The following ZNF250 variants were observed in gnomAD, a reference collection of about 807,000 sequenced individuals.
The protein encoded by ZNF250 is zinc finger protein 250.
Under a neutral mutation model 37.1 loss-of-function variants are expected in ZNF250, and 13 were observed. That is an observed-to-expected ratio of 0.35 (90% CI 0.23 to 0.56). The LOEUF is 0.56. Among genes scored for constraint, ZNF250 ranks in the 20% least tolerant of loss-of-function variants. ZNF250 has a pLI of 0.87. For missense variants in ZNF250, 474 were observed against 697.9 expected (o/e 0.68, Z 3.61); for synonymous variants, 251 against 265.6 (o/e 0.94, Z 0.54).
Position 144,886,824 on chromosome 8 carries a change from TCAGG to T in ZNF250, c.346+12_346+15del. The T allele has an allele frequency of 6.2e-7, 1 of 1,609,530 alleles. No homozygotes were observed. On this transcript the variant is annotated intron_variant, in intron 5 of 5. Coordinates refer to ENST00000417550, the MANE Select transcript of ZNF250 (RefSeq NM_001109689.4). Reference sequence around the variant, plus strand: ...CAGAGATTGTACTGAATTAAAAAGATCAGGCATACACTTACCCCATGGACAAGAT... The same window carrying T: ...CAGAGATTGTACTGAATTAAAAAGATCATACACTTACCCCATGGACAAGAT...
rs748296303 is a variant in ZNF250 at position 144,881,626 on chromosome 8, C to T, written c.1557G>A (p.Gln519=). 1 of 1,613,892 alleles carries T rather than the reference C, an allele frequency of 6.2e-7. No individual in the cohort carries two copies. Among genetic ancestry groups the T allele is most frequent in the East Asian group, 2.2e-5 (1 of 44,864 alleles). The change falls in exon 6 of 6, where the codon CAG becomes CAA. Residue 519 remains glutamine (Q), a synonymous_variant. Coordinates refer to ENST00000417550, the MANE Select transcript of ZNF250 (RefSeq NM_001109689.4). ...KAFSQYSVLI[Q]HQRIHTGEKP... ...TCTCGCCTGTGTGGATCCGCTGGTG[C>T]TGGATGAGCACTGAGTACTGGCTGA...
chr8:144,883,651 A>G (rs930115808), intron 5 of ZNF250, among the ~76,000 whole-genome samples: 3 of 149,652 alleles, frequency 2.0e-5, no homozygotes, highest in African/African-American at 4.9e-5. Flanking sequence ...TGTGGAAGAT[A>G]ATTTCATGTG....
intron 4 of ZNF250, 93 bp downstream of exon 4, chr8:144,889,488 C>T (rs1382526482): frequency 9.9e-7 from 1 of 1,011,620 alleles, no homozygotes; most frequent in African/African-American, 1.6e-5. Context: ...GTGGAAGCCA[C>T]TCCAGTGAGC....
intron 4 of ZNF250, among the ~76,000 whole-genome samples, chr8:144,887,896 T>C (rs1179205116): frequency 1.3e-5 from 2 of 152,232 alleles, no homozygotes; most frequent in South Asian, 4.1e-4. Flanking sequence ...AGGTAGACTG[T>C]AATACCTGGT....
chr8:144,882,683 A>G lies in ZNF250; in HGVS notation c.500T>C (p.Val167Ala). The change falls in exon 6 of 6, where the codon GTT becomes GCT. Residue 167 changes from valine to alanine, a missense_variant. This residue lies in a region of ZNF250 where 192 missense variants were observed against 227.5 expected (regional missense o/e 0.84). Transcript: ENST00000417550. This position sits in a 1 kb window ranked among gnomAD's most constrained non-coding sequence, Gnocchi z 5.5. Reference protein sequence around the residue: ...KQSFCLSPNSVDHREVQVLSQ... With the variant: ...KQSFCLSPNSADHREVQVLSQ... ...TAAGACCTGAACTTCACGGTGGTCA[A>G]CAGAGTTTGGACTCAGACAGAAGCT... 1 of 1,614,042 alleles carries G rather than the reference A, an allele frequency of 6.2e-7. No individual in the cohort carries two copies. Among genetic ancestry groups the G allele is most frequent in the Non-Finnish European group, 8.5e-7 (1 of 1,179,910 alleles).
intron 1 of ZNF250, among the ~76,000 whole-genome samples, chr8:144,896,821 G>T (rs767634200): frequency 6.6e-6 from 1 of 152,162 alleles, no homozygotes; most frequent in African/African-American, 2.4e-5. Flanking sequence ...CCCTCTTGAG[G>T]CCATGCCAAC....
In ZNF250 at chr8:144,879,601, T is replaced by TA. The variant is rs1470540317; in HGVS notation, c.*1913dup. ...CAAAAAGGATCAATATCCTGGTGACTATTTCCTCCCCACCAAACTGACAGA... is the reference window on the plus strand; with the variant it reads ...CAAAAAGGATCAATATCCTGGTGACTAATTTCCTCCCCACCAAACTGACAGA... On this transcript the variant is annotated 3_prime_UTR_variant, in exon 6 of 6. Coordinates refer to ENST00000417550, the MANE Select transcript of ZNF250 (RefSeq NM_001109689.4). The TA allele has an allele frequency of 3.3e-5, 5 of 152,300 alleles. No homozygotes were observed. Among genetic ancestry groups the TA allele is most frequent in the African/African-American group, 1.2e-4 (5 of 41,438 alleles). The allele number at this position is 152,300 out of a possible 1,614,324, so 9.4% of individuals were successfully genotyped here.
At position 144,890,308 on chromosome 8, in the gene ZNF250, C is replaced by G. The variant is rs554289416; in HGVS notation, c.42G>C (p.Gln14His). 2.0e-6 allele frequency: 3 copies of G among 1,523,106 alleles called. No individual in the cohort carries two copies. 94.3% of individuals were successfully genotyped at this position (1,523,106 alleles called of 1,614,324 possible). A position where few individuals can be genotyped will look rare whatever the true frequency, so the allele number is the denominator to read the frequency against. ...ARLLPVPAGP[Q>H]AKLTFEDVAV... ...TGCATAAGCACTGGGGACAGCTTAC[C>G]TGGGGTCCTGCCGGCACTGGCAGGA... The change falls in exon 2 of 6, where the codon CAG becomes CAC. Residue 14 changes from glutamine to histidine, a missense_variant and splice_region_variant. Coordinates refer to ENST00000417550, the MANE Select transcript of ZNF250 (RefSeq NM_001109689.4). This position sits in a 1 kb window ranked among gnomAD's most constrained non-coding sequence, Gnocchi z 5.1.
intron 1 of ZNF250, among the ~76,000 whole-genome samples, chr8:144,899,025 C>T (rs1003034600): frequency 3.3e-5 from 5 of 152,092 alleles, no homozygotes; most frequent in Non-Finnish European, 7.3e-5. Flanking sequence ...GGTATATGTA[C>T]ACAATGGAAT....
Position 144,881,296 on chromosome 8 carries a change from C to T in ZNF250, c.*219G>A, listed in dbSNP as rs912369065. The T allele has an allele frequency of 1.8e-6, 1 of 547,738 alleles. No individual in the cohort carries two copies. Among genetic ancestry groups the T allele is most frequent in the South Asian group, 4.0e-5 (1 of 24,750 alleles). 33.9% of individuals were successfully genotyped at this position (547,738 alleles called of 1,614,324 possible). A position where few individuals can be genotyped will look rare whatever the true frequency, so the allele number is the denominator to read the frequency against. On this transcript the variant is annotated 3_prime_UTR_variant, in exon 6 of 6. Coordinates refer to ENST00000417550, the MANE Select transcript of ZNF250 (RefSeq NM_001109689.4). ...TCTCTACAATTGTATGATTACTCTC[C>T]AACATAACTTCAAGATGTTGAGGAA...
At chr8:144,883,047 T>C (rs767747078) in intron 5 of ZNF250, among the ~76,000 whole-genome samples, 3 of 152,128 alleles carry the variant, frequency 2.0e-5, no homozygotes, top group Non-Finnish European at 1.5e-5. Flanking sequence ...AGGCAAGCTT[T>C]AAGAGAAAGG....
chr8:144,884,670 T>G (rs1223908444), intron 5 of ZNF250, among the ~76,000 whole-genome samples: 2 of 152,220 alleles, frequency 1.3e-5, no homozygotes, highest in African/African-American at 4.8e-5. Flanking sequence ...GAGTGGGAAG[T>G]GGTGAACATA....
intron 1 of ZNF250, among the ~76,000 whole-genome samples, chr8:144,900,899 G>A (rs1563907421): frequency 6.6e-6 from 1 of 152,206 alleles, no homozygotes; most frequent in African/African-American, 2.4e-5. Flanking sequence ...CCCCTTTCCG[G>A]GCCCATCCCA....
chr8:144,882,583 C>T lies in ZNF250; in HGVS notation c.600G>A (p.Gly200=). 6.2e-7 allele frequency: 1 copy of T among 1,614,154 alleles called. No individual in the cohort carries two copies. Among genetic ancestry groups the T allele is most frequent in the Non-Finnish European group, 8.5e-7 (1 of 1,180,022 alleles). ...GERPYMCVEC[G]KCFGRSSHLL... ...GGTGGGAACTCCGGCCAAAGCACTT[C>T]CCACACTCAACACACATGTAGGGCC... Residue 200 remains glycine (G), a synonymous_variant, in exon 6 of 6, where the codon GGG becomes GGA. Coordinates refer to ENST00000417550, the MANE Select transcript of ZNF250 (RefSeq NM_001109689.4). The surrounding 1 kb of genome is among the most constrained non-coding windows in gnomAD (Gnocchi z 5.5).
At position 144,881,936 on chromosome 8, in the gene ZNF250, T is replaced by C; in HGVS notation, c.1247A>G (p.Lys416Arg). The change falls in exon 6 of 6, where the codon AAG becomes AGG. Residue 416 changes from lysine (K) to arginine (R), a missense_variant. By Grantham distance (26) the Lys-to-Arg change is conservative. Around this residue, in one of 2 missense-constraint regions of ZNF250, gnomAD observed 282 missense variants for 470.4 expected, o/e 0.60. Coordinates refer to ENST00000417550, the MANE Select transcript of ZNF250 (RefSeq NM_001109689.4). ...MNHERIHTEE[K>R]PYACYECGKA... is the part of the protein sequence containing the mutation. ...CCCACATTCGTAGCATGCATAGGGC[T>C]TTTCCTCGGTGTGGATCCGCTCGTG... 5 of 1,613,534 alleles carry C rather than the reference T, an allele frequency of 3.1e-6. No individual in the cohort carries two copies. The highest frequency in any genetic ancestry group is 3.4e-6 in the Non-Finnish European group (4 of 1,179,916).
At position 144,881,138 on chromosome 8, in the gene ZNF250, G is replaced by A. The variant is rs1831437893; in HGVS notation, c.*377C>T. 5.6e-6 allele frequency: 1 copy of A among 179,624 alleles called. No homozygotes were observed. Among genetic ancestry groups the A allele is most frequent in the African/African-American group, 2.4e-5 (1 of 41,934 alleles). The allele number at this position is 179,624 out of a possible 1,614,324, so 11.1% of individuals were successfully genotyped here. A position where few individuals can be genotyped will look rare whatever the true frequency, so the allele number is the denominator to read the frequency against. On this transcript the variant is annotated 3_prime_UTR_variant, in exon 6 of 6. Transcript: ENST00000417550. ...GTATGGTTAATTGATATTTAGGAAG[G>A]GCATGTAATGTTCTTAGAAAAAGAA...
At chr8:144,889,845 C>T in intron 3 of ZNF250, 88 bp downstream of exon 3, 1 of 1,503,178 alleles carries the variant, frequency 6.7e-7, no homozygotes, top group Non-Finnish European at 8.9e-7. Context: ...ACCTCCAGGA[C>T]CAGCCTGTCC....
Position 144,890,505 on chromosome 8 carries a change from G to T in ZNF250, c.-54-102C>A. 1 of 617,400 alleles carries T rather than the reference G, an allele frequency of 1.6e-6. No homozygotes were observed. Among genetic ancestry groups the T allele is most frequent in the South Asian group, 4.0e-5 (1 of 24,984 alleles). 38.2% of individuals were successfully genotyped at this position (617,400 alleles called of 1,614,324 possible). On this transcript the variant is annotated intron_variant, in intron 1 of 5. Transcript: ENST00000417550. The surrounding 1 kb of genome is among the most constrained non-coding windows in gnomAD (Gnocchi z 5.1). ...GGGCCTCATTCAGAGTCACTGAGGG[G>T]CACACTGAGGTCAGGTGCAAGGAGC...
intron 3 of ZNF250, 112 bp from the exon 4 acceptor site, chr8:144,889,806 C>A: frequency 1.4e-6 from 2 of 1,457,154 alleles, no homozygotes; most frequent in Admixed American, 2.2e-5. Context: ...TCTGCTGGAG[C>A]TGAGCACCCA....
Sources: gnomAD v4.1 joint callset for allele counts (sites outside exome capture counted in the v4.1 genomes callset) on GRCh38, gnomAD v4.1.1 for gene constraint, gnomAD v4.1.1 regional missense constraint, Gnocchi (gnomAD v3.1) non-coding constraint, MANE v1.5 for transcripts, NCBI Gene and HGNC (gene_info 2026-07-23, HGNC 2026-07-21) for gene names.